IGSF23: variants seen among roughly 807,000 people sequenced by gnomAD.
The protein encoded by IGSF23 is immunoglobulin superfamily member 23.
Under a neutral mutation model 17.8 loss-of-function variants are expected in IGSF23, and 14 were observed. The ratio of observed to expected loss-of-function variants is 0.79; its 90% confidence interval spans 0.52 to 1.23. The LOEUF (loss-of-function observed/expected upper bound fraction) is 1.23. Ranked by LOEUF, IGSF23 falls within the 50% of genes most tolerant of loss-of-function variation. The pLI is 0.00. For missense variants in IGSF23, 214 were observed against 241.7 expected, an observed-to-expected ratio of 0.89 and a Z score of 0.76; for synonymous variants, 85 against 92.5, an observed-to-expected ratio of 0.92 and a Z score of 0.46.
chr19:44,634,487 CAG>C (rs1972841306), intron 3 of IGSF23, among the ~76,000 whole-genome samples: 8 of 152,132 alleles, frequency 5.3e-5, no homozygotes, highest in Admixed American at 5.2e-4. Flanking sequence ...TGTATTCTAA[CAG>C]GGAACTGCCA....
At chr19:44,627,658 G>C (rs1972683527) in intron 3 of IGSF23, 85 bp downstream of exon 3, 4 of 1,421,568 alleles carry the variant, frequency 2.8e-6, no homozygotes, top group Non-Finnish European at 3.8e-6. Context: ...AGGAAACAGA[G>C]ATGAAACCAA....
intron 3 of IGSF23, among the ~76,000 whole-genome samples, chr19:44,629,467 T>C (rs937861426): frequency 3.3e-5 from 5 of 151,408 alleles, no homozygotes; most frequent in African/African-American, 1.2e-4. Context: ...GAAGCTGAGG[T>C]GGGAGGATTG....
intron 3 of IGSF23, 45 bp downstream of exon 3, chr19:44,627,618 GC>G: frequency 6.6e-7 from 1 of 1,515,850 alleles, no homozygotes; most frequent in Non-Finnish European, 8.9e-7. Context: ...CATCCACTCA[GC>G]CCCCATGGGG....
chr19:44,620,196 G>A (rs949717990), intron 1 of IGSF23, among the ~76,000 whole-genome samples: 30 of 152,172 alleles, frequency 2.0e-4, no homozygotes, highest in African/African-American at 7.2e-4. Flanking sequence ...TTGAACCTGG[G>A]AGTCGGAGGT....
Position 44,629,822 on chromosome 19 carries a change from C to T in IGSF23, c.545+2249C>T, listed in dbSNP as rs35556027. ...CCAATTTTTGTATTTTTAGTAGAGA[C>T]GGAGTTTCACCATGTTGGCCAGGAT... On this transcript the variant is annotated intron_variant, in intron 3 of 4. Coordinates refer to ENST00000402988, the MANE Select transcript of IGSF23 (RefSeq NM_001205280.2). Among the ~76,000 whole-genome samples the T allele has an allele frequency of 7.6e-3, 1,153 of 151,900 alleles. 8 individuals are homozygous for T. The highest frequency in any genetic ancestry group is 0.013 in the Non-Finnish European group (908 of 67,928).
chr19:44,613,974 G>A (rs1972311148), intron 1 of IGSF23: 1 of 1,537,028 alleles, frequency 6.5e-7, no homozygotes, highest in African/African-American at 1.4e-5. Context: ...CCTACCTGGA[G>A]GAAGCTGCTT....
At chr19:44,619,941 G>C (rs1972475012) in intron 1 of IGSF23, among the ~76,000 whole-genome samples, 1 of 152,174 alleles carries the variant, frequency 6.6e-6, no homozygotes, top group African/African-American at 2.4e-5. Flanking sequence ...AACTTAGTTA[G>C]GGTTCAGATT....
Position 44,613,748 on chromosome 19 carries a change from G to C in IGSF23, c.103G>C (p.Gly35Arg). 1 of 1,550,560 alleles carries C rather than the reference G, an allele frequency of 6.4e-7. No homozygotes were observed. The highest frequency in any genetic ancestry group is 8.7e-7 in the Non-Finnish European group (1 of 1,146,970). ...DPMLEKDAAG[G>R]DFPANLVLQL... ...GATGCTAGAGAAGGATGCGGCTGGA[G>C]GTGACTTCCCAGCCAACTTGGTGTA... The change falls in exon 1 of 5, where the codon GGT becomes CGT. Residue 35 changes from glycine to arginine, a missense_variant. By Grantham distance (125) the Gly-to-Arg change is moderately radical. Transcript: ENST00000402988.
At position 44,635,387 on chromosome 19, in the gene IGSF23, T is replaced by G. The variant is rs919882011; in HGVS notation, c.546-14T>G. 7.2e-6 allele frequency: 11 copies of G among 1,538,350 alleles called. No homozygotes were observed. Among genetic ancestry groups the G allele is most frequent in the Non-Finnish European group, 9.7e-6 (11 of 1,138,260 alleles). On this transcript the variant is annotated splice_polypyrimidine_tract_variant and intron_variant, in intron 3 of 4. Transcript: ENST00000402988. ...CTCTCTCTCTCTCTGTCTCTCTCTC[T>G]CTCTCCACTGCAGGACTGACAGGCA...
At chr19:44,634,572 C>T (rs967053943) in intron 3 of IGSF23, among the ~76,000 whole-genome samples, 2 of 152,230 alleles carry the variant, frequency 1.3e-5, no homozygotes, top group East Asian at 1.9e-4. Flanking sequence ...TCGCTCCAGG[C>T]GCTGCTCGAA....
At chr19:44,613,856 CTG>C in intron 1 of IGSF23, 86 bp downstream of exon 1, 3 of 1,547,392 alleles carry the variant, frequency 1.9e-6, no homozygotes, top group Non-Finnish European at 1.7e-6. Flanking sequence ...GCAGACGCGA[CTG>C]TACAGGTCTA....
At chr19:44,617,058 C>A (rs1972397607) in intron 1 of IGSF23, among the ~76,000 whole-genome samples, 2 of 151,886 alleles carry the variant, frequency 1.3e-5, no homozygotes, top group South Asian at 4.2e-4. Context: ...GCCACCATGC[C>A]CAGCGAATTT....
chr19:44,627,084 A>G (rs1047032786), intron 2 of IGSF23, among the ~76,000 whole-genome samples: 5 of 152,030 alleles, frequency 3.3e-5, no homozygotes, highest in African/African-American at 1.2e-4. Context: ...GGGCAATGAG[A>G]GAGATGAGGC....
chr19:44,614,076 G>A (rs1163812045), intron 1 of IGSF23: 5 of 1,149,442 alleles, frequency 4.3e-6, no homozygotes, highest in Non-Finnish European at 4.8e-6. Flanking sequence ...CCCACTCAGA[G>A]CTTTGACCCT....
intron 2 of IGSF23, among the ~76,000 whole-genome samples, chr19:44,624,238 C>T (rs1972588368): frequency 6.6e-6 from 1 of 150,414 alleles, no homozygotes; most frequent in South Asian, 2.1e-4. Flanking sequence ...CCTCCTCCTC[C>T]TCCTTCTTCT....
At chr19:44,628,003 G>A (rs1424672582) in intron 3 of IGSF23, among the ~76,000 whole-genome samples, 3 of 149,852 alleles carry the variant, frequency 2.0e-5, no homozygotes, top group Admixed American at 1.3e-4. Flanking sequence ...GGAGTGCAGT[G>A]GTGCGATCTC....
rs891659723 is a variant in IGSF23, at chr19:44,620,002, G to A, written c.126-3705G>A. ...AGTTCCAGTGTCGGCCAGGCGCAGT[G>A]GCTCACGCCTGTAATCCCAGCATTT... On this transcript the variant is annotated intron_variant, in intron 1 of 4. Transcript: ENST00000402988. Among the ~76,000 whole-genome samples, 13 of 152,266 alleles carry A rather than the reference G, an allele frequency of 8.5e-5. No individual in the cohort carries two copies. The East Asian group carries it at 1.9e-3, about 23-fold the overall frequency.
At chr19:44,619,678 C>T (rs1972468217) in intron 1 of IGSF23, among the ~76,000 whole-genome samples, 1 of 152,148 alleles carries the variant, frequency 6.6e-6, no homozygotes, top group Non-Finnish European at 1.5e-5. Context: ...GGAAGGGTGC[C>T]TTCTCATTCT....
chr19:44,631,994 T>A (rs2123727511), intron 3 of IGSF23, among the ~76,000 whole-genome samples: 1 of 152,340 alleles, frequency 6.6e-6, no homozygotes, highest in East Asian at 1.9e-4. Flanking sequence ...GGGGGCCTGT[T>A]GGTGCAATTT....
Sources: allele counts gnomAD v4.1 joint callset (sites outside exome capture counted in the v4.1 genomes callset), GRCh38; gene constraint gnomAD v4.1.1; transcripts MANE v1.5; gene names NCBI Gene and HGNC (gene_info 2026-07-23, HGNC 2026-07-21).